Variants in DUOX1 observed in about 807,000 individuals in gnomAD.
DUOX1 encodes the protein NADPH thyroid oxidase 1.
In DUOX1, 134 loss-of-function variants were observed where a neutral mutation model predicts 181.8. The observed-to-expected ratio is 0.74, with a 90% confidence interval of 0.64 to 0.85. The LOEUF is 0.85. DUOX1 is among the 40% of genes least tolerant of loss of function. DUOX1 has a pLI of 0.00. For missense variants in DUOX1, 1,814 were observed against 2,064.4 expected, an observed-to-expected ratio of 0.88 and a Z score of 2.35; for synonymous variants, 798 against 832.5, an observed-to-expected ratio of 0.96 and a Z score of 0.71.
Position 45,144,111 on chromosome 15 carries a change from T to C in DUOX1, c.2012T>C (p.Val671Ala). 1 of 1,614,032 alleles carries C rather than the reference T, an allele frequency of 6.2e-7. No homozygotes were observed. Among genetic ancestry groups the C allele is most frequent in the Non-Finnish European group, 8.5e-7 (1 of 1,180,042 alleles). Residue 671 changes from valine (V) to alanine (A), a missense_variant, in exon 17 of 34, where the codon GTA becomes GCA. Val to Ala is a moderately conservative substitution (Grantham distance 64). Coordinates refer to ENST00000389037, the MANE Select transcript of DUOX1 (RefSeq NM_175940.3). ...CTGCAGCCCGGGCAGATCCGTGTGG[T>C]AGATGGCAGGCTCACCGTGCTCCGC... ...VYLQPGQIRV[V>A]DGRLTVLRTI... is the part of the protein sequence containing the mutation.
intron 27 of DUOX1, among the ~76,000 whole-genome samples, chr15:45,154,450 T>A (rs1199033128): frequency 6.6e-6 from 1 of 152,150 alleles, no homozygotes; most frequent in Non-Finnish European, 1.5e-5. Flanking sequence ...TTGGGGGATA[T>A]TCCTAACTCC....
rs1042543880 is a variant in DUOX1 at position 45,139,582 on chromosome 15, T to A, written c.1372T>A (p.Ser458Thr). ...CTGGCAGGACATCAACCCTGCACTC[T>A]CCCGGAGCAATGACACTGTGAGGAG... Reference protein sequence around the residue: ...TRWQDINPALSRSNDTVLEAT... With the variant: ...TRWQDINPALTRSNDTVLEAT... Residue 458 changes from serine (S) to threonine (T), a missense_variant, in exon 12 of 34, where the codon TCC (serine) becomes ACC (threonine). This residue lies in a region of DUOX1 where 1,064 missense variants were observed against 1,152.9 expected (regional missense o/e 0.92). Coordinates refer to ENST00000389037, the MANE Select transcript of DUOX1 (RefSeq NM_175940.3). 6.5e-7 allele frequency: 1 copy of A among 1,548,780 alleles called. No homozygotes were observed. Among genetic ancestry groups the A allele is most frequent in the African/African-American group, 1.4e-5 (1 of 72,462 alleles).
chr15:45,162,805 G>T (rs1034951280), intron 31 of DUOX1, among the ~76,000 whole-genome samples: 12 of 152,244 alleles, frequency 7.9e-5, no homozygotes, highest in Admixed American at 6.5e-5. Flanking sequence ...GGAACAGGAG[G>T]AGTGGTGGCA....
At chr15:45,147,856 T>A in intron 19 of DUOX1, 48 bp from the exon 20 acceptor site, 1 of 1,559,456 alleles carries the variant, frequency 6.4e-7, no homozygotes, top group Non-Finnish European at 8.8e-7. Context: ...GCCTGGGGGT[T>A]CAGGCAGGCA....
chr15:45,163,024 T>C (rs1004721913), intron 31 of DUOX1, among the ~76,000 whole-genome samples: 8 of 152,194 alleles, frequency 5.3e-5, no homozygotes, highest in Non-Finnish European at 1.2e-4. Context: ...TCCCCTCCTG[T>C]CCTCTGCCCT....
rs936752064 is a variant in DUOX1 at position 45,144,754 on chromosome 15, C to T, written c.2137-141C>T. The T allele has an allele frequency of 4.5e-5, 39 of 869,494 alleles. No individual in the cohort carries two copies. In the South Asian group the frequency reaches 6.3e-4, roughly 14 times the overall value. 53.9% of individuals were successfully genotyped at this position (869,494 alleles called of 1,614,324 possible). On this transcript the variant is annotated intron_variant, in intron 17 of 33. Coordinates refer to ENST00000389037, the MANE Select transcript of DUOX1 (RefSeq NM_175940.3). ...GAGCAAGTCACTTAACCCTACTGAG[C>T]CCCTTTCCTCTTCTGTAAAAGGAGA...
Position 45,144,116 on chromosome 15 carries a change from G to A in DUOX1, c.2017G>A (p.Gly673Ser). The change falls in exon 17 of 34, where the codon GGC becomes AGC. Residue 673 changes from glycine (G) to serine (S), a missense_variant. Around this residue, in one of 5 missense-constraint regions of DUOX1, gnomAD observed 1,064 missense variants for 1,152.9 expected, o/e 0.92. Coordinates refer to ENST00000389037, the MANE Select transcript of DUOX1 (RefSeq NM_175940.3). ...LQPGQIRVVD[G>S]RLTVLRTIQL... ...GCCCGGGCAGATCCGTGTGGTAGATGGCAGGCTCACCGTGCTCCGCACCAT... is the reference window on the plus strand; with the variant it reads ...GCCCGGGCAGATCCGTGTGGTAGATAGCAGGCTCACCGTGCTCCGCACCAT... 5.0e-6 allele frequency: 8 copies of A among 1,614,028 alleles called. No individual in the cohort carries two copies. The highest frequency in any genetic ancestry group is 6.8e-6 in the Non-Finnish European group (8 of 1,180,048).
At chr15:45,156,454 A>G (rs993623677) in intron 28 of DUOX1, among the ~76,000 whole-genome samples, 1 of 152,066 alleles carries the variant, frequency 6.6e-6, no homozygotes, top group Non-Finnish European at 1.5e-5. Context: ...ATTTTTTGAG[A>G]CAGAGTCTCG....
In DUOX1 at chr15:45,148,430, C is replaced by T. The variant is rs367696729; in HGVS notation, c.2801C>T (p.Thr934Met). The T allele has an allele frequency of 3.1e-6, 5 of 1,613,010 alleles. No individual in the cohort carries two copies. The highest frequency in any genetic ancestry group is 4.2e-6 in the Non-Finnish European group (5 of 1,179,332). ...GACCACAATAGCGAGCTCCGCTTCA[C>T]GCAGCTCTGTGTCAAAGGTGGGGCA... ...LRDHNSELRFTQLCVKGVEVP... is the reference protein window; with the variant it reads ...LRDHNSELRFMQLCVKGVEVP... Residue 934 changes from threonine (T) to methionine (M), a missense_variant, in exon 21 of 34, where the codon ACG becomes ATG. Thr to Met is a moderately conservative substitution (Grantham distance 81). Transcript: ENST00000389037.
chr15:45,143,868 G>T (rs1377909151), intron 16 of DUOX1, among the ~76,000 whole-genome samples, 168 bp from the exon 17 acceptor site: 1 of 152,174 alleles, frequency 6.6e-6, no homozygotes, highest in Non-Finnish European at 1.5e-5. Flanking sequence ...CTTTTCATGG[G>T]GCTAGAGGCA....
At position 45,155,641 on chromosome 15, in the gene DUOX1, T is replaced by A; in HGVS notation, c.3575-161T>A. 2.3e-6 allele frequency: 2 copies of A among 869,960 alleles called. 1 individual carries two copies. The highest frequency in any genetic ancestry group is 4.9e-5 in the Admixed American group (2 of 40,804). 53.9% of individuals were successfully genotyped at this position (869,960 alleles called of 1,614,324 possible). On this transcript the variant is annotated intron_variant, in intron 27 of 33. Coordinates refer to ENST00000389037, the MANE Select transcript of DUOX1 (RefSeq NM_175940.3). ...GAACAATGTCTGCTGAAATGAAAGGTACCTGTGATCAGTGGTGTTGGGGGA... is the reference window on the plus strand; with the variant it reads ...GAACAATGTCTGCTGAAATGAAAGGAACCTGTGATCAGTGGTGTTGGGGGA...
Position 45,131,932 on chromosome 15 carries a change from G to A in DUOX1, c.-35G>A. On this transcript the variant is annotated 5_prime_UTR_variant, in exon 2 of 34. Coordinates refer to ENST00000389037, the MANE Select transcript of DUOX1 (RefSeq NM_175940.3). The stretch of plus-strand genomic sequence containing the variant: ...TCTTTTTCTAGGGTCTCCATTTTGG[G>A]ACATTCTAATCCCTGAGCCCCTATT... The A allele has an allele frequency of 6.2e-7, 1 of 1,610,986 alleles. No homozygotes were observed. The highest frequency in any genetic ancestry group is 8.5e-7 in the Non-Finnish European group (1 of 1,177,268).
At chr15:45,143,694 AGGCAGATT>A (rs61338049) in intron 16 of DUOX1, among the ~76,000 whole-genome samples, 2,146 of 152,320 alleles carry the variant, frequency 0.014, 50 homozygotes, top group African/African-American at 0.049. Flanking sequence ...ATTGGGCCTT[AGGCAGATT>A]TTTGAATCTC....
At position 45,134,999 on chromosome 15, in the gene DUOX1, C is replaced by A. The variant is rs2141252953; in HGVS notation, c.308-105C>A. 2.2e-6 allele frequency: 3 copies of A among 1,391,916 alleles called. No individual in the cohort carries two copies. The South Asian group carries it at 3.9e-5, about 18-fold the overall frequency. 86.2% of individuals were successfully genotyped at this position (1,391,916 alleles called of 1,614,324 possible). On this transcript the variant is annotated intron_variant, in intron 4 of 33. Coordinates refer to ENST00000389037, the MANE Select transcript of DUOX1 (RefSeq NM_175940.3). ...GGCTTGGACTTGCCCATAATGGCTG[C>A]TGAGTCTTTTGAAGCTTCAGGGGAG... is the stretch of plus-strand genomic sequence containing the variant.
At chr15:45,134,569 C>T (rs1301140063) in intron 4 of DUOX1, among the ~76,000 whole-genome samples, 1 of 152,190 alleles carries the variant, frequency 6.6e-6, no homozygotes, top group South Asian at 2.1e-4. Flanking sequence ...GGCATCCCTC[C>T]TCGTTGGGTT....
At position 45,152,465 on chromosome 15, in the gene DUOX1, G is replaced by A. The variant is rs201511067; in HGVS notation, c.3373G>A (p.Ala1125Thr). The A allele has an allele frequency of 1.1e-5, 18 of 1,614,086 alleles. No individual in the cohort carries two copies. Among genetic ancestry groups the A allele is most frequent in the Non-Finnish European group, 1.4e-5 (17 of 1,180,014 alleles). The stretch of plus-strand genomic sequence containing the variant: ...CCTCAACCGCTACGTGCCCTTCGAC[G>A]CCGCCGTGGACTTCCATCGCCTCAT... ...TFLNRYVPFD[A>T]AVDFHRLIAS... Residue 1125 changes from alanine to threonine, a missense_variant, in exon 25 of 34, where the codon GCC becomes ACC. Around this residue, in one of 5 missense-constraint regions of DUOX1, gnomAD observed 1,064 missense variants for 1,152.9 expected, o/e 0.92. Coordinates refer to ENST00000389037, the MANE Select transcript of DUOX1 (RefSeq NM_175940.3).
chr15:45,140,750 G>A (rs982362638), intron 12 of DUOX1, 145 bp from the exon 13 acceptor site: 3 of 729,098 alleles, frequency 4.1e-6, no homozygotes, highest in Non-Finnish European at 6.6e-6. Flanking sequence ...GAAGTGCCTG[G>A]GGCATAATAA....
chr15:45,141,496 C>T (rs1027853515), intron 14 of DUOX1, 86 bp downstream of exon 14: 83 of 1,398,250 alleles, frequency 5.9e-5, no homozygotes, highest in Admixed American at 1.9e-4. Context: ...TGTGGCTGAA[C>T]GTCAATCTCT....
chr15:45,141,952 G>A (rs762453344), intron 14 of DUOX1, 23 bp from the exon 15 acceptor site: 5 of 1,598,548 alleles, frequency 3.1e-6, no homozygotes, highest in Non-Finnish European at 4.3e-6. Flanking sequence ...CACCCAGGAC[G>A]CTGGCTTCCT....
Sources: allele counts gnomAD v4.1 joint callset (sites outside exome capture counted in the v4.1 genomes callset), GRCh38; gene constraint gnomAD v4.1.1; regional missense constraint gnomAD v4.1.1; transcripts MANE v1.5; gene names NCBI Gene and HGNC (gene_info 2026-07-23, HGNC 2026-07-21).